Variants in BRD4 observed in about 807,000 individuals in gnomAD.
BRD4 encodes the protein bromodomain-containing protein 4.
A neutral mutation model predicts 142.1 loss-of-function variants in BRD4; 16 were observed. The observed-to-expected ratio is 0.11, with a 90% confidence interval of 0.08 to 0.17. The LOEUF (loss-of-function observed/expected upper bound fraction) is 0.17. Among genes scored for constraint, BRD4 ranks in the 10% least tolerant of loss-of-function variants. The pLI is 1.00. For missense variants in BRD4, 1,424 were observed against 1,810.9 expected, an observed-to-expected ratio of 0.79 and a Z score of 3.88; for synonymous variants, 833 against 707.5, an observed-to-expected ratio of 1.18 and a Z score of -2.82.
chr19:15,292,550 G>A (rs1393907783), intron 1 of BRD4, among the ~76,000 whole-genome samples: 2 of 151,968 alleles, frequency 1.3e-5, no homozygotes, highest in Non-Finnish European at 2.9e-5. Context: ...AGGCCGAGGC[G>A]GGCGGATCAC....
chr19:15,257,476 G>A (rs1018123905), intron 7 of BRD4, among the ~76,000 whole-genome samples: 35 of 152,182 alleles, frequency 2.3e-4, no homozygotes, highest in Admixed American at 2.2e-3. Flanking sequence ...CACTAAGACA[G>A]CCAGCTCACT....
chr19:15,323,619 C>G (rs1478636876), intron 1 of BRD4, among the ~76,000 whole-genome samples: 2 of 152,152 alleles, frequency 1.3e-5, no homozygotes, highest in African/African-American at 4.8e-5. Flanking sequence ...CAGACATTAG[C>G]AACACACAAG....
chr19:15,327,081 CATTT>C (rs892285774), intron 1 of BRD4, among the ~76,000 whole-genome samples: 4 of 152,142 alleles, frequency 2.6e-5, no homozygotes, highest in African/African-American at 7.2e-5. Context: ...CTTCCTCATT[CATTT>C]AAACAGTTAC....
chr19:15,282,922 T>C (rs921352954), intron 1 of BRD4, among the ~76,000 whole-genome samples: 4 of 152,160 alleles, frequency 2.6e-5, no homozygotes, highest in Non-Finnish European at 4.4e-5. Context: ...GCTATGATCA[T>C]GTCACTGCAC....
intron 11 of BRD4, among the ~76,000 whole-genome samples, chr19:15,251,608 C>G (rs1283770810): frequency 6.6e-6 from 1 of 152,134 alleles, no homozygotes; most frequent in Non-Finnish European, 1.5e-5. Context: ...AGAGCAGCTG[C>G]TGAAGGAGCT....
intron 5 of BRD4, 100 bp from the exon 6 acceptor site, chr19:15,264,866 T>A (rs768666916): frequency 1.3e-5 from 19 of 1,501,758 alleles, no homozygotes; most frequent in Non-Finnish European, 1.6e-5. Context: ...TTGGGGCCCA[T>A]CGCTCACACA....
chr19:15,252,432 G>A (rs1380362990), intron 11 of BRD4, among the ~76,000 whole-genome samples: 2 of 152,240 alleles, frequency 1.3e-5, no homozygotes, highest in Non-Finnish European at 2.9e-5. Context: ...AACAGGAGGT[G>A]CAAAAACCCA....
intron 1 of BRD4, among the ~76,000 whole-genome samples, chr19:15,305,391 G>C (rs1425336674): frequency 2.0e-5 from 3 of 152,142 alleles, no homozygotes; most frequent in Non-Finnish European, 4.4e-5. Context: ...ACTGATCCAT[G>C]GGCTGCTGTA....
rs2145035185 is a variant in BRD4, at chr19:15,332,515, C to CCGT, written c.-261_-260insACG. On this transcript the variant is annotated 5_prime_UTR_variant, in exon 1 of 20. Coordinates refer to ENST00000679869, the MANE Select transcript of BRD4 (RefSeq NM_001379291.1). ...ACAAACAGCCCAGCCGCCGCCGCCG[C>CCGT]CGCCGCCGCCGCCGCCAGCGCACTG... 1 of 163,818 alleles carries CCGT rather than the reference C, an allele frequency of 6.1e-6. No individual in the cohort carries two copies. The highest frequency in any genetic ancestry group is 1.7e-4 in the East Asian group (1 of 5,722). The allele number at this position is 163,818 out of a possible 1,614,324, so 10.1% of individuals were successfully genotyped here.
chr19:15,251,258 T>G (rs1260204569), intron 11 of BRD4, among the ~76,000 whole-genome samples: 1 of 152,036 alleles, frequency 6.6e-6, no homozygotes, highest in Non-Finnish European at 1.5e-5. Flanking sequence ...GGTCTATGGA[T>G]AGCTACCAAG....
intron 1 of BRD4, among the ~76,000 whole-genome samples, chr19:15,311,673 G>C (rs1288463982): frequency 6.6e-6 from 1 of 151,546 alleles, no homozygotes; most frequent in African/African-American, 2.4e-5. Context: ...ATGGTGGCGG[G>C]TGCCTGTAAT....
rs772431443 is a variant in BRD4 at position 15,239,737 on chromosome 19, C to T, written c.3367G>A (p.Glu1123Lys). 9 of 1,605,974 alleles carry T rather than the reference C, an allele frequency of 5.6e-6. No individual in the cohort carries two copies. Among genetic ancestry groups the T allele is most frequent in the Admixed American group, 1.7e-5 (1 of 59,796 alleles). The change falls in exon 16 of 20, where the codon GAG (glutamate) becomes AAG (lysine). Residue 1123 changes from glutamate to lysine, a missense_variant. By Grantham distance (56) the Glu-to-Lys change is moderately conservative (BLOSUM62 1). Coordinates refer to ENST00000679869, the MANE Select transcript of BRD4 (RefSeq NM_001379291.1). This position sits in a 1 kb window ranked among gnomAD's most constrained non-coding sequence, Gnocchi z 7.4. ...EKIHSPIIRS[E>K]PFSPSLRPEP... ...GGCCGCAGCGAGGGGCTGAAGGGCT[C>T]GCTGCGGATGATGGGTGAGTGGATC...
chr19:15,236,923 CCA>C lies in BRD4; in HGVS notation c.*1452_*1453del, dbSNP rs1269868568. ...ATGAAAGTCAAACCAGTCAGTGACT[CCA>C]GAGTTTGGCCAACACTGAGGCACCA... is the stretch of plus-strand genomic sequence containing the variant. On this transcript the variant is annotated 3_prime_UTR_variant, in exon 20 of 20. Coordinates refer to ENST00000679869, the MANE Select transcript of BRD4 (RefSeq NM_001379291.1). 9.7e-6 allele frequency: 2 copies of C among 206,808 alleles called. No homozygotes were observed. Among genetic ancestry groups the C allele is most frequent in the Non-Finnish European group, 9.8e-6 (1 of 101,648 alleles). 12.8% of individuals were successfully genotyped at this position (206,808 alleles called of 1,614,324 possible). A position where few individuals can be genotyped will look rare whatever the true frequency, so the allele number is the denominator to read the frequency against.
intron 1 of BRD4, among the ~76,000 whole-genome samples, chr19:15,296,595 G>A (rs1402210548): frequency 6.6e-6 from 1 of 152,198 alleles, no homozygotes; most frequent in Non-Finnish European, 1.5e-5. Flanking sequence ...GAGCAGTGGC[G>A]CGGAGAGTAA....
intron 1 of BRD4, among the ~76,000 whole-genome samples, chr19:15,317,050 A>G (rs1181200665): frequency 1.3e-5 from 2 of 152,224 alleles, no homozygotes; most frequent in Non-Finnish European, 2.9e-5. Context: ...CACTGAGAAC[A>G]AAGCTGAATA....
intron 1 of BRD4, among the ~76,000 whole-genome samples, chr19:15,280,891 T>G (rs2047698608): frequency 6.6e-6 from 1 of 152,208 alleles, no homozygotes; most frequent in African/African-American, 2.4e-5. Context: ...TACAATTCAA[T>G]TTACAGCAAT....
chr19:15,264,924 G>C (rs889854463), intron 5 of BRD4, among the ~76,000 whole-genome samples, 158 bp from the exon 6 acceptor site: 3 of 152,222 alleles, frequency 2.0e-5, no homozygotes, highest in African/African-American at 7.2e-5. Flanking sequence ...AGGACAGGCA[G>C]ATCGTGTCCC....
intron 1 of BRD4, among the ~76,000 whole-genome samples, chr19:15,299,352 T>G (rs573495070): frequency 7.2e-5 from 11 of 152,214 alleles, no homozygotes; most frequent in African/African-American, 2.7e-4. Context: ...TCATGATATA[T>G]GTGCTCATAT....
At chr19:15,251,451 GGGGGCGGGGGCGC>G (rs2047344908) in intron 11 of BRD4, among the ~76,000 whole-genome samples, 1 of 104,342 alleles carries the variant, frequency 9.6e-6, no homozygotes, top group East Asian at 3.2e-4. Context: ...GGGGGGGGGG[GGGGGCGGGGGCGC>G]GGGCCTGCAA....
Sources: gnomAD v4.1 joint callset for allele counts (sites outside exome capture counted in the v4.1 genomes callset) on GRCh38, gnomAD v4.1.1 for gene constraint, Gnocchi (gnomAD v3.1) non-coding constraint, MANE v1.5 for transcripts, NCBI Gene and HGNC (gene_info 2026-07-23, HGNC 2026-07-21) for gene names.